The following UNC5A variants were observed in gnomAD, a reference collection of about 807,000 sequenced individuals.
UNC5A encodes the protein netrin receptor UNC5A.
Under a neutral mutation model 87.4 loss-of-function variants are expected in UNC5A, and 20 were observed. The ratio of observed to expected loss-of-function variants is 0.23; its 90% CI spans 0.16 to 0.33. The LOEUF (loss-of-function observed/expected upper bound fraction) is 0.33, where lower values mean the gene tolerates loss of function less well. UNC5A is among the 10% of genes least tolerant of loss of function. The probability of loss-of-function intolerance (pLI) is 1.00; values close to 1 mark genes in which losing one functional copy is unlikely to be tolerated. For synonymous variants in UNC5A, 438 were observed against 482.3 expected (o/e 0.91, Z 1.20); for missense variants, 844 against 1,133.4 (o/e 0.74, Z 3.67).
intron 1 of UNC5A, among the ~76,000 whole-genome samples, chr5:176,830,541 T>C (rs1209468688): frequency 2.9e-5 from 4 of 135,748 alleles, no homozygotes; most frequent in Admixed American, 2.3e-4. Flanking sequence ...TGTTGGTGTG[T>C]GTGCATGTGC....
chr5:176,839,957 G>A lies in UNC5A; in HGVS notation c.71-22667G>A, dbSNP rs564612529. ...TCAGCCTTGCTTGTGGTCCAGGCTT[G>A]TGGTCTACTGCCTCAGCCTCCTGAG... On this transcript the variant is annotated intron_variant, in intron 1 of 14. Transcript: ENST00000329542. 3.3e-5 allele frequency among the ~76,000 whole-genome samples: 5 copies of A among 151,942 alleles called. No individual in the cohort carries two copies. The East Asian group carries it at 9.7e-4, about 30-fold the overall frequency.
At chr5:176,858,782 A>T (rs55688831) in intron 1 of UNC5A, among the ~76,000 whole-genome samples, 2 of 131,752 alleles carry the variant, frequency 1.5e-5, no homozygotes, top group Non-Finnish European at 3.2e-5. Context: ...AAGGCAAGCA[A>T]GCAGGCAGGG....
In UNC5A at chr5:176,880,055, A is replaced by C; in HGVS notation, c.*169A>C. On this transcript the variant is annotated 3_prime_UTR_variant, in exon 15 of 15. Coordinates refer to ENST00000329542, the MANE Select transcript of UNC5A (RefSeq NM_133369.3). ...TCCTTCAGACCCTGCCCGAACTCCC[A>C]CCTCTCCATGGCCTGCCTAGCCAGG... 5 of 871,584 alleles carry C rather than the reference A, an allele frequency of 5.7e-6. No homozygotes were observed. Among genetic ancestry groups the C allele is most frequent in the Admixed American group, 3.1e-5 (1 of 32,072 alleles). 54.0% of individuals were successfully genotyped at this position (871,584 alleles called of 1,614,324 possible). A position where few individuals can be genotyped will look rare whatever the true frequency, so the allele number is the denominator to read the frequency against.
rs1046911407 is a variant in UNC5A, at chr5:176,851,608, C to T, written c.71-11016C>T. Among the ~76,000 whole-genome samples, 9 of 152,318 alleles carry T rather than the reference C, an allele frequency of 5.9e-5. No individual in the cohort carries two copies. The South Asian group carries it at 1.0e-3, about 18-fold the overall frequency. The stretch of plus-strand genomic sequence containing the variant: ...GCCGGGGCCACACCTGGGCTGGGGG[C>T]GGGGCTGGCCATGGCGGGCTGCAGC... On this transcript the variant is annotated intron_variant, in intron 1 of 14. Transcript: ENST00000329542.
chr5:176,830,579 TGC>T (rs1491420546), intron 1 of UNC5A, among the ~76,000 whole-genome samples: 98 of 133,258 alleles, frequency 7.4e-4, no homozygotes, highest in Non-Finnish European at 1.2e-3. Flanking sequence ...TGTGTGTGTG[TGC>T]GCGTGCTGGT....
At position 176,827,434 on chromosome 5, in the gene UNC5A, C is replaced by T. The variant is rs144252457; in HGVS notation, c.70+16614C>T. Among the ~76,000 whole-genome samples the T allele has an allele frequency of 5.2e-3, 796 of 152,236 alleles. 9 individuals are homozygous for T. The highest frequency in any genetic ancestry group is 0.018 in the African/African-American group (738 of 41,540). Reference sequence around the variant, plus strand: ...TTGACCTCAAATAATCCACCCACCTCGGCCTCCCAAAGTGCTGGGATTACA... The same window carrying T: ...TTGACCTCAAATAATCCACCCACCTTGGCCTCCCAAAGTGCTGGGATTACA... On this transcript the variant is annotated intron_variant, in intron 1 of 14. Transcript: ENST00000329542.
chr5:176,876,544 C>A (rs2149370194), intron 8 of UNC5A, among the ~76,000 whole-genome samples: 1 of 152,196 alleles, frequency 6.6e-6, no homozygotes, highest in East Asian at 1.9e-4. Flanking sequence ...GAACCACTCC[C>A]CTCTCCACTC....
chr5:176,840,359 C>T (rs1443662565), intron 1 of UNC5A, among the ~76,000 whole-genome samples: 1 of 152,106 alleles, frequency 6.6e-6, no homozygotes, highest in East Asian at 1.9e-4. Context: ...ACAGGCTGGG[C>T]TGTGAGTCGG....
chr5:176,842,861 A>T (rs1026840332), intron 1 of UNC5A, among the ~76,000 whole-genome samples: 4 of 150,376 alleles, frequency 2.7e-5, no homozygotes, highest in Non-Finnish European at 4.4e-5. Flanking sequence ...AATAATTTTT[A>T]TTTTTTTTTT....
At position 176,848,787 on chromosome 5, in the gene UNC5A, C is replaced by G. The variant is rs1415142649; in HGVS notation, c.71-13837C>G. 1.3e-5 allele frequency among the ~76,000 whole-genome samples: 2 copies of G among 152,226 alleles called. No individual in the cohort carries two copies. The highest frequency in any genetic ancestry group is 2.9e-5 in the Non-Finnish European group (2 of 68,036). On this transcript the variant is annotated intron_variant, in intron 1 of 14. Transcript: ENST00000329542. This position sits in a 1 kb window ranked among gnomAD's most constrained non-coding sequence, Gnocchi z 5.8. ...AGCTGAGGCTCAGACCACGGGCACA[C>G]AAGATGGGCAGCCGCGGCCTGGGCC...
In UNC5A at chr5:176,877,559, C is replaced by T. The variant is rs1441076003; in HGVS notation, c.1491C>T (p.Thr497=). 1.2e-6 allele frequency: 2 copies of T among 1,603,740 alleles called. No homozygotes were observed. The highest frequency in any genetic ancestry group is 1.7e-6 in the Non-Finnish European group (2 of 1,174,396). Residue 497 remains threonine (T), a synonymous_variant, in exon 10 of 15, where the codon ACC becomes ACT. Transcript: ENST00000329542. ...DVRLPLAGCQ[T]LLSPIVSCGP... is the part of the protein sequence containing the mutation. ...GGTTGCCCCTAGCTGGCTGTCAGAC[C>T]CTGCTGAGTCCCATCGTTAGCTGTG...
At chr5:176,858,910 G>T (rs1460242487) in intron 1 of UNC5A, among the ~76,000 whole-genome samples, 1 of 152,142 alleles carries the variant, frequency 6.6e-6, no homozygotes, top group African/African-American at 2.4e-5. Flanking sequence ...CCCTGACCGG[G>T]ACACCGAGGG....
In UNC5A at chr5:176,813,057, C is replaced by T. The variant is rs1472348746; in HGVS notation, c.70+2237C>T. Among the ~76,000 whole-genome samples the T allele has an allele frequency of 3.9e-5, 6 of 152,208 alleles. No homozygotes were observed. In the South Asian group the frequency reaches 1.0e-3, roughly 26 times the overall value. On this transcript the variant is annotated intron_variant, in intron 1 of 14. Transcript: ENST00000329542. The stretch of plus-strand genomic sequence containing the variant: ...GCAGCCGCTTGCTCCCCAGGCCACG[C>T]GCCCACCCTCTGTTGCTGGACATCA...
At chr5:176,830,917 T>G (rs1757005761) in intron 1 of UNC5A, among the ~76,000 whole-genome samples, 1 of 133,682 alleles carries the variant, frequency 7.5e-6, no homozygotes, top group African/African-American at 3.8e-5. Context: ...TGTGCCGGCG[T>G]GTGTGTGGGT....
intron 1 of UNC5A, among the ~76,000 whole-genome samples, chr5:176,856,941 T>C (rs929241046): frequency 1.3e-5 from 2 of 152,224 alleles, no homozygotes; most frequent in Admixed American, 1.3e-4. Flanking sequence ...TCACTCACTC[T>C]GCCCAGGCCA....
In UNC5A at chr5:176,865,751, T is replaced by A. The variant is rs746353080; in HGVS notation, c.293-2379T>A. On this transcript the variant is annotated intron_variant, in intron 2 of 14. Coordinates refer to ENST00000329542, the MANE Select transcript of UNC5A (RefSeq NM_133369.3). The surrounding 1 kb of genome is among the most constrained non-coding windows in gnomAD (Gnocchi z 5.3). ...GGCAGGGCTCGGAGGCCCACCCAGC[T>A]CTGCAGCCCACTCATTCATGTGTGG... The A allele has an allele frequency of 2.2e-6, 1 of 448,324 alleles. No homozygotes were observed. Among genetic ancestry groups the A allele is most frequent in the South Asian group, 1.6e-5 (1 of 63,916 alleles). 27.8% of individuals were successfully genotyped at this position (448,324 alleles called of 1,614,324 possible).
intron 1 of UNC5A, among the ~76,000 whole-genome samples, chr5:176,823,546 A>G (rs942874212): frequency 2.6e-5 from 4 of 152,048 alleles, no homozygotes; most frequent in Non-Finnish European, 5.9e-5. Flanking sequence ...CGTCCGGGAA[A>G]GGTGGATTTA....
At chr5:176,818,636 C>G (rs1363677446) in intron 1 of UNC5A, among the ~76,000 whole-genome samples, 1 of 152,186 alleles carries the variant, frequency 6.6e-6, no homozygotes, top group Non-Finnish European at 1.5e-5. Flanking sequence ...TGGGCAGCTA[C>G]TACTCTGCCC....
Position 176,810,742 on chromosome 5 carries a change from C to G in UNC5A, c.-9C>G. The stretch of plus-strand genomic sequence containing the variant: ...CGCGCCCGGCCCGCCCGCCTGCCCG[C>G]CCGCGGCCATGGCCGTCCGGCCCGG... On this transcript the variant is annotated 5_prime_UTR_variant, in exon 1 of 15. Transcript: ENST00000329542. This position sits in a 1 kb window ranked among gnomAD's most constrained non-coding sequence, Gnocchi z 7.3. The G allele has an allele frequency of 2.6e-6, 3 of 1,150,480 alleles. No homozygotes were observed. The highest frequency in any genetic ancestry group is 3.2e-6 in the Non-Finnish European group (3 of 936,152). 71.3% of individuals were successfully genotyped at this position (1,150,480 alleles called of 1,614,324 possible).
Sources: gnomAD v4.1 joint callset for allele counts (sites outside exome capture counted in the v4.1 genomes callset) on GRCh38, gnomAD v4.1.1 for gene constraint, Gnocchi (gnomAD v3.1) non-coding constraint, MANE v1.5 for transcripts, NCBI Gene and HGNC (gene_info 2026-07-23, HGNC 2026-07-21) for gene names.